Variants in FRMD5 observed in about 807,000 individuals in gnomAD.
FRMD5 encodes the protein FERM domain containing 5.
A neutral mutation model predicts 69.0 loss-of-function variants in FRMD5; 20 were observed. That is an observed-to-expected ratio of 0.29 (90% CI 0.20 to 0.42). The LOEUF (loss-of-function observed/expected upper bound fraction) is 0.42. FRMD5 is among the 10% of genes least tolerant of loss of function. The pLI is 1.00. For synonymous variants in FRMD5, 271 were observed against 260.1 expected (o/e 1.04, Z -0.40); for missense variants, 595 against 708.6 (o/e 0.84, Z 1.82).
intron 1 of FRMD5, among the ~76,000 whole-genome samples, chr15:44,130,506 C>T (rs2077083906): frequency 6.6e-6 from 1 of 152,110 alleles, no homozygotes; most frequent in African/African-American, 2.4e-5. Flanking sequence ...TATTGCAGTC[C>T]AGGCAAAGTG....
intron 1 of FRMD5, among the ~76,000 whole-genome samples, chr15:44,153,056 GA>G (rs2077471427): frequency 6.6e-6 from 1 of 152,162 alleles, no homozygotes. Context: ...CAAGAAAAGA[GA>G]AGACAAATGC....
intron 1 of FRMD5, among the ~76,000 whole-genome samples, chr15:44,168,323 C>T (rs900462814): frequency 3.3e-5 from 5 of 152,184 alleles, no homozygotes; most frequent in African/African-American, 1.2e-4. Flanking sequence ...AAAAATTGCT[C>T]TTAAAGTCAG....
At chr15:43,944,782 T>C (rs1027964755) in intron 1 of FRMD5, among the ~76,000 whole-genome samples, 2 of 152,070 alleles carry the variant, frequency 1.3e-5, no homozygotes, top group African/African-American at 4.8e-5. Flanking sequence ...GCATACATAG[T>C]TAAAGGGTCA....
intron 13 of FRMD5, chr15:43,879,994 G>A (rs1317350793): frequency 2.5e-5 from 5 of 200,548 alleles, no homozygotes; most frequent in Non-Finnish European, 5.0e-5. Context: ...CTTTCCCTGA[G>A]GCCTGGATAA....
chr15:43,969,004 A>G (rs143903498), intron 1 of FRMD5, among the ~76,000 whole-genome samples: 74 of 152,206 alleles, frequency 4.9e-4, no homozygotes, highest in African/African-American at 1.8e-3. Flanking sequence ...TAGACTGATT[A>G]TATCTAGAGG....
At chr15:44,100,770 T>C (rs139419501) in intron 1 of FRMD5, among the ~76,000 whole-genome samples, 10 of 152,296 alleles carry the variant, frequency 6.6e-5, no homozygotes, top group South Asian at 2.1e-4. Context: ...AGTTGCTGTA[T>C]GGAAAGAAAC....
chr15:43,935,468 A>G (rs1413330735), intron 1 of FRMD5, among the ~76,000 whole-genome samples: 1 of 152,208 alleles, frequency 6.6e-6, no homozygotes, highest in African/African-American at 2.4e-5. Flanking sequence ...CCGGGCGGCA[A>G]GAGTGAAACT....
chr15:43,938,218 C>T lies in FRMD5; in HGVS notation c.103-13909G>A, dbSNP rs185138649. Among the ~76,000 whole-genome samples the T allele has an allele frequency of 1.3e-4, 16 of 121,712 alleles. No individual in the cohort carries two copies. The East Asian group carries it at 1.7e-3, about 13-fold the overall frequency. The allele number at this position is 121,712 out of a possible 152,430, so 79.8% of individuals were successfully genotyped here. A position where few individuals can be genotyped will look rare whatever the true frequency, so the allele number is the denominator to read the frequency against. The stretch of plus-strand genomic sequence containing the variant: ...TGGCAATCTGGCCTGGGCGAAAGAG[C>T]GAGACTCCGTCTCAAAAAAAAAAAA... On this transcript the variant is annotated intron_variant, in intron 1 of 13. Coordinates refer to ENST00000417257, the MANE Select transcript of FRMD5 (RefSeq NM_032892.5).
chr15:44,043,118 T>C (rs1227989807), intron 1 of FRMD5, among the ~76,000 whole-genome samples: 1 of 152,116 alleles, frequency 6.6e-6, no homozygotes, highest in African/African-American at 2.4e-5. Flanking sequence ...ATCACAACCA[T>C]TCCTATACAC....
At chr15:44,015,039 A>T (rs1890894298) in intron 1 of FRMD5, among the ~76,000 whole-genome samples, 7 of 152,184 alleles carry the variant, frequency 4.6e-5, no homozygotes, top group Admixed American at 4.6e-4. Context: ...TTCACCCCAA[A>T]AGAAAAGAAA....
chr15:44,092,846 A>G (rs1356528687), intron 1 of FRMD5, among the ~76,000 whole-genome samples: 1 of 150,844 alleles, frequency 6.6e-6, no homozygotes, highest in African/African-American at 2.5e-5. Context: ...CCACATCCTA[A>G]TGTTTCTCTC....
At chr15:44,078,779 T>C (rs572428345) in intron 1 of FRMD5, among the ~76,000 whole-genome samples, 2 of 152,146 alleles carry the variant, frequency 1.3e-5, no homozygotes, top group East Asian at 3.9e-4. Flanking sequence ...ATACAAAAAT[T>C]AATTCAAAGT....
In FRMD5 at chr15:43,894,151, A is replaced by G. The variant is rs145617612; in HGVS notation, c.640-2082T>C. Among the ~76,000 whole-genome samples the G allele has an allele frequency of 3.6e-3, 543 of 152,312 alleles. 3 individuals are homozygous for G. The highest frequency in any genetic ancestry group is 0.012 in the African/African-American group (516 of 41,574). On this transcript the variant is annotated intron_variant, in intron 7 of 13. Coordinates refer to ENST00000417257, the MANE Select transcript of FRMD5 (RefSeq NM_032892.5). ...GGTTATTAATATCTGAGTACCAGGC[A>G]CTACACACAAACACTGTTCCTGTCA...
Position 43,872,578 on chromosome 15 carries a change from T to C in FRMD5, c.*1307A>G, listed in dbSNP as rs996116640. The C allele has an allele frequency of 1.3e-5, 2 of 152,430 alleles. No individual in the cohort carries two copies. The highest frequency in any genetic ancestry group is 2.9e-5 in the Non-Finnish European group (2 of 68,210). The allele number at this position is 152,430 out of a possible 1,614,324, so 9.4% of individuals were successfully genotyped here. ...CTTCGAGGACTTCCCTCTGCAAGGA[T>C]GGTGATGCTTTCCTAGAACTTATGC... On this transcript the variant is annotated 3_prime_UTR_variant, in exon 14 of 14. Coordinates refer to ENST00000417257, the MANE Select transcript of FRMD5 (RefSeq NM_032892.5).
chr15:44,037,543 C>A (rs1254645184), intron 1 of FRMD5, among the ~76,000 whole-genome samples: 2 of 150,484 alleles, frequency 1.3e-5, no homozygotes, highest in Non-Finnish European at 3.0e-5. Context: ...TCTCAGCTCA[C>A]TGCAACCTCT....
chr15:43,977,122 C>T (rs1264030779), intron 1 of FRMD5, among the ~76,000 whole-genome samples: 1 of 152,082 alleles, frequency 6.6e-6, no homozygotes, highest in Non-Finnish European at 1.5e-5. Flanking sequence ...GTGTGAGCCA[C>T]TGTGCCCAGC....
intron 1 of FRMD5, among the ~76,000 whole-genome samples, chr15:44,076,267 T>C (rs1893760001): frequency 6.6e-6 from 1 of 151,902 alleles, no homozygotes; most frequent in Non-Finnish European, 1.5e-5. Context: ...GCCATCCCAT[T>C]ACTGGGTACA....
At chr15:44,158,511 C>G (rs770217527) in intron 1 of FRMD5, among the ~76,000 whole-genome samples, 1 of 152,114 alleles carries the variant, frequency 6.6e-6, no homozygotes, top group South Asian at 2.1e-4. Flanking sequence ...ATATTTTCAG[C>G]TTTTTGTAAA....
chr15:43,932,944 C>T (rs2089700504), intron 1 of FRMD5, among the ~76,000 whole-genome samples: 1 of 152,238 alleles, frequency 6.6e-6, no homozygotes, highest in African/African-American at 2.4e-5. Context: ...GCCAGGGCCT[C>T]CCTTGAAAGC....
Sources: allele counts gnomAD v4.1 joint callset (sites outside exome capture counted in the v4.1 genomes callset), GRCh38; gene constraint gnomAD v4.1.1; transcripts MANE v1.5; gene names NCBI Gene and HGNC (gene_info 2026-07-23, HGNC 2026-07-21).